CYBB: variants seen among roughly 807,000 people sequenced by gnomAD.
CYBB encodes cytochrome b-245 beta chain, also known as NADPH oxidase 2.
In CYBB, 5 loss-of-function variants were observed where a neutral mutation model predicts 46.5. The observed-to-expected ratio is 0.11, with a 90% CI of 0.06 to 0.23. The LOEUF (loss-of-function observed/expected upper bound fraction) is 0.23. CYBB is among the 10% of genes least tolerant of loss of function. CYBB has a pLI of 1.00. For synonymous variants in CYBB, 183 were observed against 156.7 expected (o/e 1.17, Z -1.26); for missense variants, 307 against 428.3 (o/e 0.72, Z 2.50).
intron 7 of CYBB, among the ~76,000 whole-genome samples, chrX:37,799,727 A>G (rs1929397254): frequency 9.0e-6 from 1 of 111,633 alleles, no homozygotes; most frequent in Admixed American, 9.5e-5. Flanking sequence ...CATTTTGTGT[A>G]TTCTCATAAC....
At chrX:37,806,788 C>T (rs1163346948) in intron 11 of CYBB, among the ~76,000 whole-genome samples, 1 of 111,009 alleles carries the variant, frequency 9.0e-6, no homozygotes, top group Non-Finnish European at 1.9e-5. Context: ...CCACCAGGCA[C>T]TCTGAAACCA....
rs57325016 is a variant in CYBB, at chrX:37,795,890, A to ATGTG, written c.484-17_484-14dup. On this transcript the variant is annotated intron_variant, in intron 5 of 12. Transcript: ENST00000378588. ...AACCTATAATATTGTGCTTGCGCAC[A>ATGTG]TGTGTGTGTGTGTGTGTGTGTGTGT... 22,415 of 582,771 alleles carry ATGTG rather than the reference A, an allele frequency of 0.038. 209 individuals are homozygous for ATGTG. The highest frequency in any genetic ancestry group is 0.058 in the Middle Eastern group (109 of 1,879). 48.0% of individuals were successfully genotyped at this position (582,771 alleles called of 1,213,427 possible). A position where few individuals can be genotyped will look rare whatever the true frequency, so the allele number is the denominator to read the frequency against.
rs57325016 is a variant in CYBB, at chrX:37,795,890, A to ATGTGTG, written c.484-19_484-14dup. 2,279 of 595,668 alleles carry ATGTGTG rather than the reference A, an allele frequency of 3.8e-3. 2 individuals are homozygous for ATGTGTG. Among genetic ancestry groups the ATGTGTG allele is most frequent in the Admixed American group, 6.3e-3 (237 of 37,459 alleles). The allele number at this position is 595,668 out of a possible 1,213,427, so 49.1% of individuals were successfully genotyped here. On this transcript the variant is annotated intron_variant, in intron 5 of 12. Coordinates refer to ENST00000378588, the MANE Select transcript of CYBB (RefSeq NM_000397.4). ...AACCTATAATATTGTGCTTGCGCAC[A>ATGTGTG]TGTGTGTGTGTGTGTGTGTGTGTGT... is the stretch of plus-strand genomic sequence containing the variant.
At chrX:37,803,735 C>A in intron 8 of CYBB, 142 bp from the exon 9 acceptor site, 1 of 578,689 alleles carries the variant, frequency 1.7e-6, no homozygotes, top group Non-Finnish European at 2.9e-6. Context: ...GTGACAGACA[C>A]ATCTGCTGGA....
At chrX:37,806,303 A>C in intron 10 of CYBB, 84 bp from the exon 11 acceptor site, 2 of 1,001,687 alleles carry the variant, frequency 2.0e-6, no homozygotes, top group East Asian at 6.1e-5. Flanking sequence ...GAAAAAGTTT[A>C]GGTGACAGAA....
chrX:37,796,889 G>A (rs1369875129), intron 6 of CYBB, among the ~76,000 whole-genome samples: 1 of 111,823 alleles, frequency 8.9e-6, no homozygotes. Flanking sequence ...GTCTAAAGCA[G>A]GCTGTGATAA....
chrX:37,798,503 C>A, intron 6 of CYBB, among the ~76,000 whole-genome samples: 1 of 112,034 alleles, frequency 8.9e-6, no homozygotes, highest in East Asian at 2.8e-4. Flanking sequence ...GGGTGCCTGG[C>A]CAAGGACAAT....
At chrX:37,798,529 T>G (rs1293713834) in intron 6 of CYBB, among the ~76,000 whole-genome samples, 1 of 112,217 alleles carries the variant, frequency 8.9e-6, no homozygotes, top group Non-Finnish European at 1.9e-5. Context: ...TAGCCCACAC[T>G]TTGATGATTG....
In CYBB at chrX:37,805,027, T is replaced by C. The variant is rs782371651; in HGVS notation, c.1173T>C (p.Phe391=). ...TCAGGATAGCGGTTGATGGGCCCTTTGGCACTGCCAGTGAAGATGTGTTCA... is the reference window on the plus strand; with the variant it reads ...TCAGGATAGCGGTTGATGGGCCCTTCGGCACTGCCAGTGAAGATGTGTTCA... ...KLPKIAVDGP[F]GTASEDVFSY... Residue 391 remains phenylalanine (F), a synonymous_variant, in exon 10 of 13, where the codon TTT becomes TTC. Coordinates refer to ENST00000378588, the MANE Select transcript of CYBB (RefSeq NM_000397.4). 4 of 1,211,708 alleles carry C rather than the reference T, an allele frequency of 3.3e-6. No individual in the cohort carries two copies. Among genetic ancestry groups the C allele is most frequent in the Non-Finnish European group, 4.5e-6 (4 of 895,297 alleles).
chrX:37,796,809 C>G (rs1929319477), intron 6 of CYBB, among the ~76,000 whole-genome samples: 1 of 111,668 alleles, frequency 9.0e-6, no homozygotes, highest in South Asian at 3.7e-4. Flanking sequence ...AAACCTGGAG[C>G]TAAAATGTTA....
chrX:37,798,009 G>A (rs782660785), intron 6 of CYBB, among the ~76,000 whole-genome samples: 2 of 112,012 alleles, frequency 1.8e-5, no homozygotes, highest in South Asian at 7.3e-4. Flanking sequence ...CACATGATAA[G>A]TGCTCAATAC....
intron 7 of CYBB, among the ~76,000 whole-genome samples, chrX:37,799,387 G>A (rs1929390301): frequency 8.9e-6 from 1 of 111,837 alleles, no homozygotes; most frequent in South Asian, 3.7e-4. Flanking sequence ...GCCAGCTAAT[G>A]ATTTTTAGGG....
chrX:37,788,857 TA>T (rs1929133374), intron 3 of CYBB, among the ~76,000 whole-genome samples: 1 of 111,815 alleles, frequency 8.9e-6, no homozygotes, highest in Non-Finnish European at 1.9e-5. Flanking sequence ...CACAATAACT[TA>T]AAACAACCCC....
In CYBB at chrX:37,801,214, A is replaced by G. The variant is rs782282539; in HGVS notation, c.805-42A>G. 3.2e-6 allele frequency: 3 copies of G among 946,791 alleles called. No individual in the cohort carries two copies. In the Admixed American group the frequency reaches 6.6e-5, roughly 21 times the overall value. 78.0% of individuals were successfully genotyped at this position (946,791 alleles called of 1,213,427 possible). A position where few individuals can be genotyped will look rare whatever the true frequency, so the allele number is the denominator to read the frequency against. On this transcript the variant is annotated intron_variant, in intron 7 of 12. Transcript: ENST00000378588. Reference sequence around the variant, plus strand: ...CCCTCTGAATATTTTGTTATCTATTACCACTTAATGTATCTCATTTTCATT... The same window carrying G: ...CCCTCTGAATATTTTGTTATCTATTGCCACTTAATGTATCTCATTTTCATT...
intron 3 of CYBB, among the ~76,000 whole-genome samples, chrX:37,787,201 C>G (rs1929089693): frequency 8.9e-6 from 1 of 111,742 alleles, no homozygotes; most frequent in African/African-American, 3.3e-5. Context: ...TCATATTTAT[C>G]AGATATTCTA....
intron 12 of CYBB, among the ~76,000 whole-genome samples, chrX:37,810,326 T>C (rs1556472931): frequency 8.9e-6 from 1 of 111,971 alleles, no homozygotes; most frequent in Non-Finnish European, 1.9e-5. Context: ...GGCCAGGTAA[T>C]CTGCATTTTT....
chrX:37,801,516 A>G (rs1929438381), intron 8 of CYBB, among the ~76,000 whole-genome samples, 168 bp downstream of exon 8: 1 of 110,549 alleles, frequency 9.0e-6, no homozygotes, highest in Non-Finnish European at 1.9e-5. Flanking sequence ...TAACTGGGGA[A>G]ACTACAAGTT....
At chrX:37,791,567 C>T (rs1379389527) in intron 3 of CYBB, among the ~76,000 whole-genome samples, 1 of 112,201 alleles carries the variant, frequency 8.9e-6, no homozygotes, top group Non-Finnish European at 1.9e-5. Context: ...GAACTGTTCA[C>T]TTGTCTGTGT....
chrX:37,782,403 C>T (rs781843040), intron 2 of CYBB, among the ~76,000 whole-genome samples: 27 of 112,423 alleles, frequency 2.4e-4, no homozygotes, highest in Non-Finnish European at 4.9e-4. Flanking sequence ...TGGCATCCTT[C>T]CCCAACCAAG....
Sources: gnomAD v4.1 joint callset for allele counts (sites outside exome capture counted in the v4.1 genomes callset) on GRCh38, gnomAD v4.1.1 for gene constraint, MANE v1.5 for transcripts, NCBI Gene and HGNC (gene_info 2026-07-23, HGNC 2026-07-21) for gene names.